Variants in ADAMTS6 observed in about 807,000 individuals in gnomAD.
ADAMTS6 encodes the protein ADAM metallopeptidase with thrombospondin type 1 motif 6.
Under a neutral mutation model 144.3 loss-of-function variants are expected in ADAMTS6, and 23 were observed. The observed-to-expected ratio is 0.16, with a 90% CI of 0.11 to 0.23. The LOEUF (loss-of-function observed/expected upper bound fraction) is 0.23. Among genes scored for constraint, ADAMTS6 ranks in the 10% least tolerant of loss-of-function variants. ADAMTS6 has a pLI of 1.00. For synonymous variants in ADAMTS6, 444 were observed against 457.5 expected (o/e 0.97, Z 0.38); for missense variants, 999 against 1,379.6 (o/e 0.72, Z 4.37).
intron 22 of ADAMTS6, among the ~76,000 whole-genome samples, chr5:65,184,589 A>C (rs1001226216): frequency 6.6e-6 from 1 of 152,236 alleles, no homozygotes; most frequent in Non-Finnish European, 1.5e-5. Context: ...ATTTTGATAC[A>C]TCAAAAGCAT....
At chr5:65,219,599 G>T (rs1757168624) in intron 18 of ADAMTS6, among the ~76,000 whole-genome samples, 1 of 152,140 alleles carries the variant, frequency 6.6e-6, no homozygotes, top group African/African-American at 2.4e-5. Flanking sequence ...TAAGAGATGG[G>T]TATCTCACTA....
chr5:65,421,194 T>C (rs1440202440), intron 7 of ADAMTS6, among the ~76,000 whole-genome samples: 1 of 152,270 alleles, frequency 6.6e-6, no homozygotes, highest in East Asian at 1.9e-4. Context: ...GGTTCCATTC[T>C]CTTGCATATC....
At chr5:65,288,950 G>A (rs963714360) in intron 11 of ADAMTS6, among the ~76,000 whole-genome samples, 41 of 152,134 alleles carry the variant, frequency 2.7e-4, no homozygotes, top group African/African-American at 9.4e-4. Flanking sequence ...ATAAACCAGC[G>A]TAGATTTGTG....
intron 11 of ADAMTS6, among the ~76,000 whole-genome samples, chr5:65,275,368 AAAG>A (rs1762403052): frequency 1.8e-5 from 2 of 111,316 alleles, no homozygotes; most frequent in African/African-American, 6.6e-5. Flanking sequence ...AGAAAGAAAG[AAAG>A]AAAGAAAGAA....
Position 65,271,876 on chromosome 5 carries a change from GA to G in ADAMTS6, c.1620+1463del, listed in dbSNP as rs1008294222. On this transcript the variant is annotated intron_variant, in intron 12 of 24. Transcript: ENST00000381055. Reference sequence around the variant, plus strand: ...TCCTAATATTTTCTATTACTTTAGTGAAAAAAAATAGAAGGAATTTTTGGTA... The same window carrying G: ...TCCTAATATTTTCTATTACTTTAGTGAAAAAAATAGAAGGAATTTTTGGTA... 5.6e-3 allele frequency among the ~76,000 whole-genome samples: 849 copies of G among 151,520 alleles called. 10 individuals are homozygous for G. The highest frequency in any genetic ancestry group is 0.019 in the African/African-American group (796 of 41,338).
At chr5:65,481,230 A>G (rs1761176961) in intron 1 of ADAMTS6, 113 bp downstream of exon 1, 1 of 151,244 alleles carries the variant, frequency 6.6e-6, no homozygotes, top group African/African-American at 2.4e-5. Flanking sequence ...AAAAAAAAAA[A>G]AAACACACAC....
chr5:65,156,493 T>G (rs1190552854), intron 24 of ADAMTS6, among the ~76,000 whole-genome samples: 1 of 152,218 alleles, frequency 6.6e-6, no homozygotes, highest in African/African-American at 2.4e-5. Flanking sequence ...GATTTACAGT[T>G]GGCATTGATT....
intron 7 of ADAMTS6, among the ~76,000 whole-genome samples, chr5:65,443,622 CAAAAAAA>C (rs59240974): frequency 1.5e-3 from 103 of 69,088 alleles, no homozygotes; most frequent in Admixed American, 3.5e-3. Flanking sequence ...GACCCTGTCT[CAAAAAAA>C]AAAAAAAAAA....
At chr5:65,218,836 A>G (rs1245036153) in intron 18 of ADAMTS6, among the ~76,000 whole-genome samples, 1 of 152,168 alleles carries the variant, frequency 6.6e-6, no homozygotes, top group Non-Finnish European at 1.5e-5. Context: ...AAAACAGCAC[A>G]AAGAATGGAA....
At chr5:65,268,103 G>A (rs1034662356) in intron 12 of ADAMTS6, among the ~76,000 whole-genome samples, 2 of 152,136 alleles carry the variant, frequency 1.3e-5, no homozygotes, top group Admixed American at 1.3e-4. Flanking sequence ...GGCTGCAAAC[G>A]TCCTATTATA....
At chr5:65,368,623 A>C (rs539909822) in intron 7 of ADAMTS6, among the ~76,000 whole-genome samples, 1 of 152,340 alleles carries the variant, frequency 6.6e-6, no homozygotes, top group Non-Finnish European at 1.5e-5. Context: ...GGTCTAAAGC[A>C]ACACGAAAAA....
chr5:65,201,684 AT>A (rs1755746724), intron 20 of ADAMTS6, among the ~76,000 whole-genome samples: 1 of 152,212 alleles, frequency 6.6e-6, no homozygotes, highest in South Asian at 2.1e-4. Context: ...CTTGGAATTG[AT>A]GGGCTAACCA....
intron 3 of ADAMTS6, 46 bp downstream of exon 3, chr5:65,470,732 A>C (rs1580786474): frequency 8.6e-7 from 1 of 1,167,226 alleles, no homozygotes; most frequent in Non-Finnish European, 1.1e-6. Flanking sequence ...ACATTGCAAA[A>C]TTCTTATTTT....
intron 23 of ADAMTS6, 93 bp downstream of exon 23, chr5:65,172,739 A>C: frequency 5.6e-6 from 8 of 1,422,488 alleles, no homozygotes; most frequent in Middle Eastern, 2.3e-4. Context: ...ATTCTTACTC[A>C]TCTCTCAAGC....
At chr5:65,470,491 G>A (rs74521835) in intron 3 of ADAMTS6, among the ~76,000 whole-genome samples, 8,352 of 151,986 alleles carry the variant, frequency 0.055, 767 homozygotes, top group African/African-American at 0.19. Flanking sequence ...ATGCATAAAA[G>A]ATATCTTATT....
rs1218667889 is a variant in ADAMTS6 at position 65,169,803 on chromosome 5, G to A, written c.3244+814C>T. Among the ~76,000 whole-genome samples the A allele has an allele frequency of 1.4e-3, 202 of 149,604 alleles. 2 individuals carry two copies. The highest frequency in any genetic ancestry group is 4.7e-3 in the East Asian group (24 of 5,074). The stretch of plus-strand genomic sequence containing the variant: ...TCGCAAGATCAAAAAACCAAACACT[G>A]CATATTCTCACTCATAGGTGGGAAT... On this transcript the variant is annotated intron_variant, in intron 24 of 24. Coordinates refer to ENST00000381055, the MANE Select transcript of ADAMTS6 (RefSeq NM_197941.4).
chr5:65,359,811 C>A (rs1261448099), intron 7 of ADAMTS6, among the ~76,000 whole-genome samples: 1 of 151,696 alleles, frequency 6.6e-6, no homozygotes, highest in East Asian at 1.9e-4. Context: ...AAAAGTGAAA[C>A]TCACAGTAGA....
At chr5:65,386,241 C>T (rs1427856200) in intron 7 of ADAMTS6, among the ~76,000 whole-genome samples, 9 of 151,858 alleles carry the variant, frequency 5.9e-5, no homozygotes, top group Non-Finnish European at 1.2e-4. Flanking sequence ...AAAAAATGTT[C>T]CTTTTTAAAG....
At chr5:65,429,635 CTA>C (rs1389549394) in intron 7 of ADAMTS6, among the ~76,000 whole-genome samples, 1 of 152,114 alleles carries the variant, frequency 6.6e-6, no homozygotes, top group Non-Finnish European at 1.5e-5. Context: ...CCTTTCTCCC[CTA>C]TGTTTTGTAT....
Sources: allele counts gnomAD v4.1 joint callset (sites outside exome capture counted in the v4.1 genomes callset), GRCh38; gene constraint gnomAD v4.1.1; transcripts MANE v1.5; gene names NCBI Gene and HGNC (gene_info 2026-07-23, HGNC 2026-07-21).